The following PTPRD variants were observed in gnomAD, a reference collection of about 807,000 sequenced individuals.
PTPRD encodes the protein receptor-type tyrosine-protein phosphatase delta.
In PTPRD, 34 loss-of-function variants were observed where a neutral mutation model predicts 214.5. The observed-to-expected ratio is 0.16, with a 90% CI of 0.12 to 0.21. The LOEUF is 0.21. Ranked by LOEUF, PTPRD falls within the 10% of genes least tolerant of loss-of-function variation. The probability of loss-of-function intolerance (pLI) is 1.00; values close to 1 mark genes in which losing one functional copy is unlikely to be tolerated. For missense variants in PTPRD, 2,545 were observed against 2,398.7 expected, an observed-to-expected ratio of 1.06 and a Z score of -1.27; for synonymous variants, 1,128 against 845.7, an observed-to-expected ratio of 1.33 and a Z score of -5.79.
intron 8 of PTPRD, among the ~76,000 whole-genome samples, chr9:9,573,236 C>A (rs929809833): frequency 6.6e-6 from 1 of 151,384 alleles, no homozygotes; most frequent in African/African-American, 2.4e-5. Context: ...CAAAGCAATA[C>A]CTACTGTATG....
intron 9 of PTPRD, among the ~76,000 whole-genome samples, chr9:9,394,269 T>C (rs974900930): frequency 5.9e-5 from 9 of 152,182 alleles, no homozygotes; most frequent in South Asian, 2.1e-4. Context: ...TAAAAAATTC[T>C]GGTTGTTCTA....
At chr9:10,272,299 C>T (rs543885191) in intron 3 of PTPRD, among the ~76,000 whole-genome samples, 1 of 152,070 alleles carries the variant, frequency 6.6e-6, no homozygotes, top group Non-Finnish European at 1.5e-5. Context: ...CTTTTTATTG[C>T]CAATAATATT....
intron 11 of PTPRD, among the ~76,000 whole-genome samples, chr9:8,847,698 G>C (rs537722164): frequency 2.6e-5 from 4 of 152,134 alleles, no homozygotes; most frequent in African/African-American, 9.6e-5. Flanking sequence ...ATCAGAAATA[G>C]TTCTCTGAGG....
chr9:9,439,879 T>G (rs2086825643), intron 8 of PTPRD, among the ~76,000 whole-genome samples: 1 of 152,204 alleles, frequency 6.6e-6, no homozygotes, highest in African/African-American at 2.4e-5. Flanking sequence ...CTATAGTGAG[T>G]AAATAATTTT....
chr9:9,671,538 G>T (rs549304935), intron 7 of PTPRD, among the ~76,000 whole-genome samples: 65 of 152,056 alleles, frequency 4.3e-4, no homozygotes, highest in Non-Finnish European at 6.6e-4. Flanking sequence ...ACATGGTTTG[G>T]CTGTGTCCCC....
At chr9:10,422,451 A>T (rs1177892767) in intron 2 of PTPRD, among the ~76,000 whole-genome samples, 3 of 151,988 alleles carry the variant, frequency 2.0e-5, no homozygotes, top group African/African-American at 7.2e-5. Flanking sequence ...AAGCCAAAAT[A>T]GACAAATGGG....
chr9:8,777,862 T>C (rs2095546384), intron 11 of PTPRD, among the ~76,000 whole-genome samples: 1 of 152,208 alleles, frequency 6.6e-6, no homozygotes, highest in African/African-American at 2.4e-5. Flanking sequence ...TATCAAATTG[T>C]AGTTTCACAT....
intron 3 of PTPRD, among the ~76,000 whole-genome samples, chr9:10,256,179 A>G (rs1004938132): frequency 1.3e-5 from 2 of 152,188 alleles, no homozygotes; most frequent in East Asian, 3.9e-4. Flanking sequence ...AGTTTGTGGA[A>G]AAATTGTATT....
At position 8,484,007 on chromosome 9, in the gene PTPRD, T is replaced by A; in HGVS notation, c.3413+112A>T. On this transcript the variant is annotated intron_variant, in intron 30 of 45. Transcript: ENST00000381196. The stretch of plus-strand genomic sequence containing the variant: ...AAAACTGGGAGTCTGAGCAGAAGAA[T>A]CTTTCACTACATTAAGCAGTATCTT... The A allele has an allele frequency of 2.9e-6, 4 of 1,361,064 alleles. No individual in the cohort carries two copies. In the Admixed American group the frequency reaches 6.8e-5, roughly 23 times the overall value. 84.3% of individuals were successfully genotyped at this position (1,361,064 alleles called of 1,614,324 possible).
intron 10 of PTPRD, among the ~76,000 whole-genome samples, chr9:9,150,790 T>G (rs2381968): frequency 0.19 from 28,381 of 152,110 alleles, 2,696 homozygotes; most frequent in South Asian, 0.29. Context: ...TATTTTTATA[T>G]GAAAACAAAC....
At chr9:10,000,273 T>A (rs576435729) in intron 4 of PTPRD, among the ~76,000 whole-genome samples, 3 of 152,356 alleles carry the variant, frequency 2.0e-5, no homozygotes, top group Non-Finnish European at 4.4e-5. Flanking sequence ...CAAATTACAC[T>A]GTTAGTTATA....
At chr9:10,195,002 G>C (rs369279322) in intron 3 of PTPRD, among the ~76,000 whole-genome samples, 1 of 148,718 alleles carries the variant, frequency 6.7e-6, no homozygotes, top group Admixed American at 6.7e-5. Context: ...GTATGGTCCC[G>C]GCTCACTGTA....
At chr9:8,806,814 G>C (rs1600415285) in intron 11 of PTPRD, among the ~76,000 whole-genome samples, 1 of 152,128 alleles carries the variant, frequency 6.6e-6, no homozygotes, top group Non-Finnish European at 1.5e-5. Flanking sequence ...CCCAAATTAA[G>C]TACTCAAACA....
chr9:9,627,877 G>C (rs1039512463), intron 7 of PTPRD, among the ~76,000 whole-genome samples: 2 of 152,102 alleles, frequency 1.3e-5, no homozygotes, highest in African/African-American at 2.4e-5. Context: ...GTATAACAGA[G>C]GTTAGAGAAG....
intron 21 of PTPRD, among the ~76,000 whole-genome samples, chr9:8,516,281 C>T (rs568242154): frequency 2.6e-5 from 4 of 151,950 alleles, no homozygotes; most frequent in Non-Finnish European, 5.9e-5. Flanking sequence ...CAAATAAATA[C>T]AGAAGTACTG....
At chr9:8,350,753 G>C (rs7854145) in intron 39 of PTPRD, among the ~76,000 whole-genome samples, 138,065 of 152,180 alleles carry the variant, frequency 0.91, 62,674 homozygotes, top group African/African-American at 0.94. Context: ...AAAATATTCA[G>C]CTGTCTAACT....
At chr9:8,886,089 T>A (rs1051694363) in intron 11 of PTPRD, among the ~76,000 whole-genome samples, 2 of 152,166 alleles carry the variant, frequency 1.3e-5, no homozygotes, top group African/African-American at 4.8e-5. Flanking sequence ...CAAAAAGAGA[T>A]TTGTGTCTAC....
At chr9:9,496,175 C>T (rs1187247281) in intron 8 of PTPRD, among the ~76,000 whole-genome samples, 1 of 151,824 alleles carries the variant, frequency 6.6e-6, no homozygotes, top group East Asian at 1.9e-4. Context: ...GATATGACAC[C>T]AAAAACTTAG....
chr9:8,919,844 A>G (rs1482874746), intron 11 of PTPRD, among the ~76,000 whole-genome samples: 3 of 150,868 alleles, frequency 2.0e-5, no homozygotes, highest in Non-Finnish European at 4.4e-5. Flanking sequence ...ACATACGTGC[A>G]TGTATCATGC....
Sources: allele counts gnomAD v4.1 joint callset (sites outside exome capture counted in the v4.1 genomes callset), GRCh38; gene constraint gnomAD v4.1.1; transcripts MANE v1.5; gene names NCBI Gene and HGNC (gene_info 2026-07-23, HGNC 2026-07-21).